The following KCNH6 variants were observed in gnomAD, a reference collection of about 807,000 sequenced individuals.
KCNH6 encodes potassium voltage-gated channel subfamily H member 6.
A neutral mutation model predicts 83.4 loss-of-function variants in KCNH6; 81 were observed. The ratio of observed to expected loss-of-function variants is 0.97; its 90% CI spans 0.81 to 1.17. KCNH6 has a LOEUF of 1.17. Among genes scored for constraint, KCNH6 ranks in the 50% most tolerant of loss-of-function variants. The probability of loss-of-function intolerance (pLI) is 0.00; values close to 1 mark genes in which losing one functional copy is unlikely to be tolerated. For synonymous variants in KCNH6, 503 were observed against 545.6 expected (o/e 0.92, Z 1.09); for missense variants, 1,203 against 1,290.5 (o/e 0.93, Z 1.04).
rs544703750 is a variant in KCNH6 at position 63,543,187 on chromosome 17, C to T, written c.2149-389C>T. Among the ~76,000 whole-genome samples the T allele has an allele frequency of 2.6e-5, 4 of 152,330 alleles. No homozygotes were observed. The South Asian group carries it at 8.3e-4, about 32-fold the overall frequency. On this transcript the variant is annotated intron_variant, in intron 9 of 12. Transcript: ENST00000314672. The stretch of plus-strand genomic sequence containing the variant: ...CCACCTTGGGGGAGGGCCCTGCTGG[C>T]GTAGGCCCTGTGCCCAGCTTCCTGA...
chr17:63,543,940 G>T (rs966475276), intron 10 of KCNH6: 2 of 831,766 alleles, frequency 2.4e-6, no homozygotes, highest in African/African-American at 3.4e-5. Flanking sequence ...TCCACACCAA[G>T]GCATCAGGGG....
chr17:63,535,825 T>A lies in KCNH6; in HGVS notation c.1258T>A (p.Tyr420Asn). Residue 420 changes from tyrosine (Y) to asparagine (N), a missense_variant, in exon 6 of 13, where the codon TAC becomes AAC. Physicochemically the swap from Tyr to Asn is moderately radical, Grantham distance 143. Coordinates refer to ENST00000314672, the MANE Select transcript of KCNH6 (RefSeq NM_001278919.2). This position sits in a 1 kb window ranked among gnomAD's most constrained non-coding sequence, Gnocchi z 4.9. ...AGCGCACTGGCTGGCCTGCATCTGG[T>A]ACGCCATCGGCAATGTGGAGCGGCC... is the stretch of plus-strand genomic sequence containing the variant. ...LIAHWLACIWYAIGNVERPYL... is the reference protein window; with the variant it reads ...LIAHWLACIWNAIGNVERPYL... The A allele has an allele frequency of 1.2e-6, 2 of 1,614,202 alleles. No homozygotes were observed. Among genetic ancestry groups the A allele is most frequent in the South Asian group, 2.2e-5 (2 of 91,088 alleles).
rs190207760 is a variant in KCNH6 at position 63,533,695 on chromosome 17, G to C, written c.676-191G>C. Among the ~76,000 whole-genome samples the C allele has an allele frequency of 6.6e-6, 1 of 151,992 alleles. No individual in the cohort carries two copies. The highest frequency in any genetic ancestry group is 1.5e-5 in the Non-Finnish European group (1 of 67,980). On this transcript the variant is annotated intron_variant, in intron 4 of 12. Coordinates refer to ENST00000314672, the MANE Select transcript of KCNH6 (RefSeq NM_001278919.2). The surrounding 1 kb of genome is among the most constrained non-coding windows in gnomAD (Gnocchi z 4.1). The stretch of plus-strand genomic sequence containing the variant: ...AACTCCTTTCTCTGCACTTCCTCTC[G>C]AGGCATCTGTCCCCTTAGGAACTTG...
At chr17:63,541,256 C>T (rs1313982918) in intron 8 of KCNH6, among the ~76,000 whole-genome samples, 2 of 151,528 alleles carry the variant, frequency 1.3e-5, no homozygotes, top group African/African-American at 4.8e-5. Context: ...TTCCCCCTTG[C>T]CTTGCATGGA....
In KCNH6 at chr17:63,533,777, G is replaced by A. The variant is rs1346791121; in HGVS notation, c.676-109G>A. ...CTCATCCCCTCTGCCCACCAGAGCC[G>A]TGGTCACCCACCCTCTCCCACTACA... On this transcript the variant is annotated intron_variant, in intron 4 of 12. Coordinates refer to ENST00000314672, the MANE Select transcript of KCNH6 (RefSeq NM_001278919.2). The surrounding 1 kb of genome is among the most constrained non-coding windows in gnomAD (Gnocchi z 4.1). 21 of 968,728 alleles carry A rather than the reference G, an allele frequency of 2.2e-5. No individual in the cohort carries two copies. The highest frequency in any genetic ancestry group is 1.1e-4 in the Admixed American group (5 of 44,892). 60.0% of individuals were successfully genotyped at this position (968,728 alleles called of 1,614,324 possible).
chr17:63,547,521 C>T (rs1021073457), downstream of KCNH6, among the ~76,000 whole-genome samples: 1 of 15,958 alleles, frequency 6.3e-5, no homozygotes, highest in Non-Finnish European at 1.4e-4. Flanking sequence ...ACAAGAAACC[C>T]TTCTTTAACA....
chr17:63,531,213 C>G (rs2032086244), intron 4 of KCNH6, among the ~76,000 whole-genome samples: 1 of 152,248 alleles, frequency 6.6e-6, no homozygotes, highest in Non-Finnish European at 1.5e-5. Flanking sequence ...CCTGACCATT[C>G]CAGAGGGAAA....
chr17:63,528,849 G>GTTTGTTTA (rs2031895904), intron 2 of KCNH6, among the ~76,000 whole-genome samples: 1 of 152,068 alleles, frequency 6.6e-6, no homozygotes, highest in African/African-American at 2.4e-5. Flanking sequence ...TTGTTTGTTT[G>GTTTGTTTA]TTTGAGACAG....
rs753586415 is a variant in KCNH6, at chr17:63,538,662, G to C, written c.1954G>C (p.Gly652Arg). ...CGACGACGTGGTCGTGGCCATCCTA[G>C]GTGGGTCCGGCGGAGTGGACCAGGC... is the stretch of plus-strand genomic sequence containing the variant. ...LRDDVVVAIL[G>R]KNDIFGEPVS... Residue 652 changes from glycine (G) to arginine (R), a missense_variant and splice_region_variant, in exon 8 of 13, where the codon GGA becomes CGA. Gly to Arg is a moderately radical substitution (Grantham distance 125). Coordinates refer to ENST00000314672, the MANE Select transcript of KCNH6 (RefSeq NM_001278919.2). The surrounding 1 kb of genome is among the most constrained non-coding windows in gnomAD (Gnocchi z 4.0). The C allele has an allele frequency of 5.7e-6, 9 of 1,581,006 alleles. No homozygotes were observed. Among genetic ancestry groups the C allele is most frequent in the Middle Eastern group, 1.7e-4 (1 of 5,928 alleles).
intron 2 of KCNH6, among the ~76,000 whole-genome samples, chr17:63,525,846 G>T (rs1237427352): frequency 6.6e-6 from 1 of 152,218 alleles, no homozygotes; most frequent in Non-Finnish European, 1.5e-5. Context: ...TCACATCATT[G>T]CAGAGGAGAG....
At chr17:63,544,473 C>A in intron 11 of KCNH6, 62 bp downstream of exon 11, 1 of 1,396,714 alleles carries the variant, frequency 7.2e-7, no homozygotes, top group Non-Finnish European at 9.4e-7. Context: ...GTGGCTCAGA[C>A]ACATCACAGG....
Position 63,535,773 on chromosome 17 carries a change from C to A in KCNH6, c.1206C>A (p.Phe402Leu). The A allele has an allele frequency of 1.2e-6, 2 of 1,614,208 alleles. No individual in the cohort carries two copies. The highest frequency in any genetic ancestry group is 1.7e-6 in the Non-Finnish European group (2 of 1,180,044). The change falls in exon 6 of 13, where the codon TTC becomes TTA. Residue 402 changes from phenylalanine (F) to leucine (L), a missense_variant. Phe to Leu is a conservative substitution (Grantham distance 22). Coordinates refer to ENST00000314672, the MANE Select transcript of KCNH6 (RefSeq NM_001278919.2). The surrounding 1 kb of genome is among the most constrained non-coding windows in gnomAD (Gnocchi z 4.9). ...CTGAGTATGGGGCGGCTGTGCTCTT[C>A]TTGCTCATGTGCACCTTCGCGCTCA... ...RYSEYGAAVLFLLMCTFALIA... is the reference protein window; with the variant it reads ...RYSEYGAAVLLLLMCTFALIA...
At chr17:63,525,496 G>A (rs1443572081) in intron 2 of KCNH6, among the ~76,000 whole-genome samples, 1 of 152,244 alleles carries the variant, frequency 6.6e-6, no homozygotes, top group Non-Finnish European at 1.5e-5. Context: ...GATAAAGAAT[G>A]GATGTCTCTG....
chr17:63,528,763 G>A (rs564611728), intron 2 of KCNH6, among the ~76,000 whole-genome samples: 3 of 152,338 alleles, frequency 2.0e-5, no homozygotes, highest in African/African-American at 7.2e-5. Flanking sequence ...TGAGTTGAGG[G>A]ACATAGGACT....
chr17:63,538,228 C>T lies in KCNH6; in HGVS notation c.1665C>T (p.His555=), dbSNP rs1435421611. 2 of 1,614,072 alleles carry T rather than the reference C, an allele frequency of 1.2e-6. No homozygotes were observed. The highest frequency in any genetic ancestry group is 2.2e-5 in the East Asian group (1 of 44,892). The change falls in exon 7 of 13, where the codon CAC becomes CAT. Residue 555 remains histidine, a synonymous_variant. Coordinates refer to ENST00000314672, the MANE Select transcript of KCNH6 (RefSeq NM_001278919.2). This position sits in a 1 kb window ranked among gnomAD's most constrained non-coding sequence, Gnocchi z 4.0. ...LRQRLEEYFQ[H]AWSYTNGIDM... ...AGCGCCTGGAGGAGTATTTCCAGCACGCCTGGTCCTACACCAATGGCATTG... is the reference window on the plus strand; with the variant it reads ...AGCGCCTGGAGGAGTATTTCCAGCATGCCTGGTCCTACACCAATGGCATTG...
chr17:63,548,051 G>A (rs1042763465), downstream of KCNH6, among the ~76,000 whole-genome samples: 1 of 150,382 alleles, frequency 6.6e-6, no homozygotes, highest in African/African-American at 2.5e-5. Flanking sequence ...AGATCACGAG[G>A]TCAGGAGATC....
Position 63,530,328 on chromosome 17 carries a change from T to A in KCNH6, c.470-9T>A. The A allele has an allele frequency of 6.2e-7, 1 of 1,614,106 alleles. No individual in the cohort carries two copies. Among genetic ancestry groups the A allele is most frequent in the East Asian group, 2.2e-5 (1 of 44,882 alleles). ...CCGTGGCTGCTCTGACTCCTGGCCC[T>A]GGTTTCAGAGGGCTCTCATGGCAGG... On this transcript the variant is annotated splice_polypyrimidine_tract_variant and intron_variant, in intron 3 of 12. Coordinates refer to ENST00000314672, the MANE Select transcript of KCNH6 (RefSeq NM_001278919.2).
At position 63,538,123 on chromosome 17, in the gene KCNH6, G is replaced by T. The variant is rs760907803; in HGVS notation, c.1560G>T (p.Ser520=). Residue 520 remains serine (S), a synonymous_variant, in exon 7 of 13, where the codon TCG becomes TCT. Coordinates refer to ENST00000314672, the MANE Select transcript of KCNH6 (RefSeq NM_001278919.2). This position sits in a 1 kb window ranked among gnomAD's most constrained non-coding sequence, Gnocchi z 4.0. ...NVSAIIQRLY[S]GTARYHTQML... Reference sequence around the variant, plus strand: ...CCGCGATCATCCAGCGCCTGTACTCGGGCACCGCGCGCTACCACACGCAGA... The same window carrying T: ...CCGCGATCATCCAGCGCCTGTACTCTGGCACCGCGCGCTACCACACGCAGA... The T allele has an allele frequency of 8.1e-6, 13 of 1,614,086 alleles. No homozygotes were observed. The highest frequency in any genetic ancestry group is 1.3e-5 in the African/African-American group (1 of 75,042).
chr17:63,548,040 C>T, downstream of KCNH6, among the ~76,000 whole-genome samples: 1 of 148,762 alleles, frequency 6.7e-6, no homozygotes, highest in Non-Finnish European at 1.5e-5. Context: ...CTGAGGTGGG[C>T]AGATCACGAG....
Sources: allele counts gnomAD v4.1 joint callset (sites outside exome capture counted in the v4.1 genomes callset), GRCh38; gene constraint gnomAD v4.1.1; non-coding constraint Gnocchi (gnomAD v3.1); transcripts MANE v1.5; gene names NCBI Gene and HGNC (gene_info 2026-07-23, HGNC 2026-07-21).